The following MARCHF2 variants were observed in gnomAD, a reference collection of about 807,000 sequenced individuals.
The protein encoded by MARCHF2 is membrane associated ring-CH-type finger 2, also known as E3 ubiquitin-protein ligase MARCHF2.
A neutral mutation model predicts 24.0 loss-of-function variants in MARCHF2; 22 were observed. The observed-to-expected ratio is 0.92, with a 90% CI of 0.66 to 1.31. The LOEUF (loss-of-function observed/expected upper bound fraction) is 1.31. Among genes scored for constraint, MARCHF2 ranks in the 50% most tolerant of loss-of-function variants. MARCHF2 has a pLI of 0.00. For synonymous variants in MARCHF2, 154 were observed against 153.0 expected (o/e 1.01, Z -0.05); for missense variants, 301 against 335.3 (o/e 0.90, Z 0.80).
intron 4 of MARCHF2, among the ~76,000 whole-genome samples, chr19:8,434,928 A>G (rs1307762415): frequency 6.6e-6 from 1 of 150,420 alleles, no homozygotes; most frequent in Non-Finnish European, 1.5e-5. Context: ...CTGGTCTCGA[A>G]CTCCTGGACT....
Position 8,415,981 on chromosome 19 carries a change from G to A in MARCHF2, c.-53+2561G>A, listed in dbSNP as rs867402190. Among the ~76,000 whole-genome samples, 6 of 152,078 alleles carry A rather than the reference G, an allele frequency of 3.9e-5. No homozygotes were observed. The South Asian group carries it at 8.3e-4, about 21-fold the overall frequency. ...CTGATGCCCACCACAGGGGCTGGCC[G>A]ACCAGGATCGGAGGGTCAAGAGATG... On this transcript the variant is annotated intron_variant, in intron 1 of 4. Transcript: ENST00000215555.
Position 8,438,552 on chromosome 19 carries a change from G to A in MARCHF2, c.*6G>A. 2 of 1,613,692 alleles carry A rather than the reference G, an allele frequency of 1.2e-6. No individual in the cohort carries two copies. Among genetic ancestry groups the A allele is most frequent in the Non-Finnish European group, 1.7e-6 (2 of 1,179,884 alleles). On this transcript the variant is annotated 3_prime_UTR_variant, in exon 5 of 5. Coordinates refer to ENST00000215555, the MANE Select transcript of MARCHF2 (RefSeq NM_001005415.2). ...CAGAGGAGACACCAGTATGAATGCT[G>A]GGCTCTCCGGACCCTGCAGCAGAGA...
At chr19:8,436,296 A>G (rs954049679) in intron 4 of MARCHF2, among the ~76,000 whole-genome samples, 4 of 151,746 alleles carry the variant, frequency 2.6e-5, no homozygotes, top group African/African-American at 9.7e-5. Context: ...CACCACGCCC[A>G]GCTAATTTTT....
At position 8,435,828 on chromosome 19, in the gene MARCHF2, C is replaced by CTGTGTGTGTGTGTG. The variant is rs35027764; in HGVS notation, c.583-2535_583-2522dup. On this transcript the variant is annotated intron_variant, in intron 4 of 4. Transcript: ENST00000215555. ...ATAGGTGTGAGCCACTGCACCTGGCCTGTGTGTGTGTGTGTGTGTGTGTGT... is the reference window on the plus strand; with the variant it reads ...ATAGGTGTGAGCCACTGCACCTGGCCTGTGTGTGTGTGTGTGTGTGTGTGTGTGTGTGTGTGTGT... Among the ~76,000 whole-genome samples, 7 of 141,154 alleles carry CTGTGTGTGTGTGTG rather than the reference C, an allele frequency of 5.0e-5. No individual in the cohort carries two copies. In the East Asian group the frequency reaches 8.9e-4, roughly 18 times the overall value. 92.6% of individuals were successfully genotyped at this position (141,154 alleles called of 152,430 possible).
rs2145542487 is a variant in MARCHF2 at position 8,421,140 on chromosome 19, T to G, written c.-52-649T>G. Among the ~76,000 whole-genome samples the G allele has an allele frequency of 2.7e-5, 4 of 150,638 alleles. No homozygotes were observed. The South Asian group carries it at 8.4e-4, about 32-fold the overall frequency. On this transcript the variant is annotated intron_variant, in intron 1 of 4. Transcript: ENST00000215555. ...TTTTTTTTGGGTTTTTTTTTTTTTT[T>G]GAGACAGAGTCTTGCTCTGTCGCCC...
chr19:8,419,617 C>A (rs987702656), intron 1 of MARCHF2, among the ~76,000 whole-genome samples: 1 of 149,646 alleles, frequency 6.7e-6, no homozygotes, highest in African/African-American at 2.5e-5. Flanking sequence ...GAGATCGAGA[C>A]CATCCTAGCT....
At chr19:8,419,338 A>C (rs1205592194) in intron 1 of MARCHF2, among the ~76,000 whole-genome samples, 1 of 151,978 alleles carries the variant, frequency 6.6e-6, no homozygotes, top group East Asian at 1.9e-4. Flanking sequence ...TACTAAAAAT[A>C]CAAAAATTAG....
At chr19:8,425,544 C>T (rs1406552814) in intron 2 of MARCHF2, among the ~76,000 whole-genome samples, 1 of 152,008 alleles carries the variant, frequency 6.6e-6, no homozygotes. Context: ...CTGCTCCCGG[C>T]CTGGTGTTCT....
intron 3 of MARCHF2, among the ~76,000 whole-genome samples, chr19:8,428,911 G>A (rs1402539909): frequency 6.6e-6 from 1 of 151,944 alleles, no homozygotes; most frequent in African/African-American, 2.4e-5. Flanking sequence ...CTCCAGCCTG[G>A]GCAACAAGAG....
At position 8,426,594 on chromosome 19, in the gene MARCHF2, T is replaced by C. The variant is rs1249135645; in HGVS notation, c.177-15T>C. The C allele has an allele frequency of 2.5e-6, 4 of 1,610,170 alleles. No individual in the cohort carries two copies. The Admixed American group carries it at 6.7e-5, about 27-fold the overall frequency. ...AAGCCCAATCATTGCTCATGGGTCCTATCTCTGTGTCCAGTGATGGTCCTT... is the reference window on the plus strand; with the variant it reads ...AAGCCCAATCATTGCTCATGGGTCCCATCTCTGTGTCCAGTGATGGTCCTT... On this transcript the variant is annotated splice_polypyrimidine_tract_variant and intron_variant, in intron 2 of 4. Coordinates refer to ENST00000215555, the MANE Select transcript of MARCHF2 (RefSeq NM_001005415.2).
chr19:8,424,374 C>T (rs1029252701), intron 2 of MARCHF2, among the ~76,000 whole-genome samples: 1 of 151,812 alleles, frequency 6.6e-6, no homozygotes, highest in African/African-American at 2.4e-5. Context: ...CCTTAAGAAT[C>T]TACCTTTCCC....
intron 3 of MARCHF2, among the ~76,000 whole-genome samples, chr19:8,429,533 C>T (rs1967519014): frequency 6.7e-6 from 1 of 149,442 alleles, no homozygotes; most frequent in Admixed American, 6.7e-5. Context: ...GAGACAGAGT[C>T]TTACTCTGTC....
chr19:8,434,208 C>G (rs1314618787), intron 4 of MARCHF2, among the ~76,000 whole-genome samples: 1 of 151,556 alleles, frequency 6.6e-6, no homozygotes, highest in African/African-American at 2.4e-5. Flanking sequence ...TCTCAGCCTC[C>G]TGAGTAGCTG....
At position 8,430,626 on chromosome 19, in the gene MARCHF2, C is replaced by G; in HGVS notation, c.373-32C>G. On this transcript the variant is annotated intron_variant, in intron 3 of 4. Coordinates refer to ENST00000215555, the MANE Select transcript of MARCHF2 (RefSeq NM_001005415.2). The surrounding 1 kb of genome is among the most constrained non-coding windows in gnomAD (Gnocchi z 4.4). ...CCCTCAGTAGCCCCTTCTCTGCCCC[C>G]TCTCCTCTGCCCCCTATCCTCTCCC... The G allele has an allele frequency of 1.9e-6, 3 of 1,587,416 alleles. No homozygotes were observed. Among genetic ancestry groups the G allele is most frequent in the Non-Finnish European group, 2.6e-6 (3 of 1,166,416 alleles).
chr19:8,428,591 A>G (rs1967478841), intron 3 of MARCHF2, among the ~76,000 whole-genome samples: 1 of 134,598 alleles, frequency 7.4e-6, no homozygotes, highest in Non-Finnish European at 1.6e-5. Flanking sequence ...CGGAGTTTGC[A>G]GTGAGTTGAG....
chr19:8,436,982 G>C (rs942343630), intron 4 of MARCHF2, among the ~76,000 whole-genome samples: 1 of 146,260 alleles, frequency 6.8e-6, no homozygotes, highest in African/African-American at 2.5e-5. Flanking sequence ...GAGCCACTGC[G>C]CCCAGCATTT....
At chr19:8,414,362 C>T (rs1295783901) in intron 1 of MARCHF2, among the ~76,000 whole-genome samples, 2 of 151,958 alleles carry the variant, frequency 1.3e-5, no homozygotes, top group African/African-American at 4.8e-5. Context: ...CTCTGCCTCC[C>T]AGATTCAAGC....
chr19:8,424,703 T>C (rs1967350334), intron 2 of MARCHF2, among the ~76,000 whole-genome samples: 1 of 151,984 alleles, frequency 6.6e-6, no homozygotes, highest in Non-Finnish European at 1.5e-5. Context: ...TCCCTGTCTC[T>C]TGGCTCTGCT....
In MARCHF2 at chr19:8,415,721, C is replaced by CAAAAA. The variant is rs1309501077; in HGVS notation, c.-53+2310_-53+2314dup. 1.4e-3 allele frequency among the ~76,000 whole-genome samples: 25 copies of CAAAAA among 17,830 alleles called. 1 individual carries two copies. The highest frequency in any genetic ancestry group is 2.9e-3 in the Admixed American group (4 of 1,394). The allele number at this position is 17,830 out of a possible 152,430, so 11.7% of individuals were successfully genotyped here. On this transcript the variant is annotated intron_variant, in intron 1 of 4. Transcript: ENST00000215555. ...GGGCAACAAGAGTGAAACTCCATCT[C>CAAAAA]AAAAAAAAAAAAACAAAAAAAACAA...
Sources: allele counts gnomAD v4.1 joint callset (sites outside exome capture counted in the v4.1 genomes callset), GRCh38; gene constraint gnomAD v4.1.1; non-coding constraint Gnocchi (gnomAD v3.1); transcripts MANE v1.5; gene names NCBI Gene and HGNC (gene_info 2026-07-23, HGNC 2026-07-21).